Variants in BAZ2B observed in about 807,000 individuals in gnomAD.
BAZ2B encodes bromodomain adjacent to zinc finger domain 2B, also known as bromodomain adjacent to zinc finger domain protein 2B.
A neutral mutation model predicts 246.0 loss-of-function variants in BAZ2B; 91 were observed. That is an observed-to-expected ratio of 0.37 (90% CI 0.31 to 0.44). The LOEUF is 0.44. Among genes scored for constraint, BAZ2B ranks in the 20% least tolerant of loss-of-function variants. The pLI is 1.00. For synonymous variants in BAZ2B, 855 were observed against 860.0 expected, an observed-to-expected ratio of 0.99 and a Z score of 0.10; for missense variants, 2,332 against 2,533.7, an observed-to-expected ratio of 0.92 and a Z score of 1.71.
intron 1 of BAZ2B, among the ~76,000 whole-genome samples, chr2:159,579,709 G>A (rs1206595288): frequency 6.6e-6 from 1 of 151,660 alleles, no homozygotes; most frequent in African/African-American, 2.4e-5. Context: ...AGCAGCAAAA[G>A]CTTATCCAAC....
intron 36 of BAZ2B, chr2:159,322,120 G>A (rs907602930): frequency 1.3e-5 from 2 of 152,006 alleles, no homozygotes; most frequent in Non-Finnish European, 2.9e-5. Flanking sequence ...CTATTTCTTT[G>A]GTGAAATATC....
At chr2:159,583,164 G>C (rs1266114630) in intron 1 of BAZ2B, among the ~76,000 whole-genome samples, 1 of 150,128 alleles carries the variant, frequency 6.7e-6, no homozygotes, top group African/African-American at 2.5e-5. Flanking sequence ...GCCCAGGCTG[G>C]AGTACAGTGG....
intron 2 of BAZ2B, among the ~76,000 whole-genome samples, chr2:159,546,524 T>TA (rs1408860827): frequency 6.7e-6 from 1 of 149,416 alleles, no homozygotes; most frequent in African/African-American, 2.5e-5. Context: ...CATTTGTTTC[T>TA]ACTCAAATGA....
intron 2 of BAZ2B, among the ~76,000 whole-genome samples, chr2:159,530,044 AC>A (rs1319345986): frequency 6.6e-6 from 1 of 152,230 alleles, no homozygotes; most frequent in Non-Finnish European, 1.5e-5. Flanking sequence ...TTCATCAAAA[AC>A]AAATCTAAAA....
intron 32 of BAZ2B, chr2:159,337,349 G>T: frequency 8.0e-7 from 1 of 1,256,182 alleles, no homozygotes; most frequent in Non-Finnish European, 1.1e-6. Flanking sequence ...CAAATAGCAT[G>T]ATCCGTATGG....
At chr2:159,690,227 T>A in the BAZ2B span, 1 of 426,192 alleles carries the variant, frequency 2.3e-6, no homozygotes, top group Non-Finnish European at 4.5e-6. Flanking sequence ...TGCTTTCACA[T>A]TATATCAATC....
chr2:159,447,148 T>C (rs971074173), intron 5 of BAZ2B, among the ~76,000 whole-genome samples, 173 bp from the exon 6 acceptor site: 1 of 152,168 alleles, frequency 6.6e-6, no homozygotes, highest in African/African-American at 2.4e-5. Context: ...CAGGTAAACC[T>C]ACAGGGACAA....
chr2:159,436,479 T>G (rs28663604), intron 8 of BAZ2B, among the ~76,000 whole-genome samples: 13,421 of 152,254 alleles, frequency 0.088, 762 homozygotes, highest in Middle Eastern at 0.18. Flanking sequence ...CCAGGTGTGG[T>G]GGCTCACGCC....
At chr2:159,337,324 T>G in intron 32 of BAZ2B, 4 of 1,188,342 alleles carry the variant, frequency 3.4e-6, no homozygotes, top group African/African-American at 1.6e-5. Flanking sequence ...AAAAAAGTTT[T>G]TACAAAGCAC....
intron 1 of BAZ2B, among the ~76,000 whole-genome samples, chr2:159,588,834 A>G (rs1409579005): frequency 6.6e-6 from 1 of 152,224 alleles, no homozygotes; most frequent in Non-Finnish European, 1.5e-5. Flanking sequence ...CAAAAACAAA[A>G]TGTAAGTAAA....
chr2:159,546,055 T>C (rs908730007), intron 2 of BAZ2B, among the ~76,000 whole-genome samples: 3 of 152,180 alleles, frequency 2.0e-5, no homozygotes, highest in East Asian at 1.9e-4. Flanking sequence ...AATGAATCAT[T>C]ATAGTCAACA....
the BAZ2B span, among the ~76,000 whole-genome samples, chr2:159,676,057 G>A: frequency 1.3e-5 from 2 of 152,074 alleles, no homozygotes; most frequent in South Asian, 2.1e-4. Context: ...CACCGCACCC[G>A]GCTAATATTT....
intron 1 of BAZ2B, among the ~76,000 whole-genome samples, chr2:159,576,912 CAAAAAAA>C (rs34337483): frequency 3.9e-5 from 2 of 51,152 alleles, no homozygotes; most frequent in Non-Finnish European, 6.8e-5. Context: ...GACTGTGTCT[CAAAAAAA>C]AAAAAAAAAA....
In BAZ2B at chr2:159,400,602, T is replaced by C; in HGVS notation, c.2895A>G (p.Leu965=). Residue 965 remains leucine, a synonymous_variant, in exon 17 of 37, where the codon CTA becomes CTG. Transcript: ENST00000392783. ...MEKELRAQQI[L]EAKKKKKEEA... is the part of the protein sequence containing the mutation. ...ATATTAAATTTAAGACTTCTACCTC[T>C]AGAATTTGCTGAGCTCGAAGTTCTT... 6.4e-7 allele frequency: 1 copy of C among 1,552,586 alleles called. No homozygotes were observed. The highest frequency in any genetic ancestry group is 8.8e-7 in the Non-Finnish European group (1 of 1,132,462).
chr2:159,572,629 T>C (rs893951337), intron 1 of BAZ2B, among the ~76,000 whole-genome samples: 1 of 152,248 alleles, frequency 6.6e-6, no homozygotes, highest in Non-Finnish European at 1.5e-5. Context: ...TGCATAGGCA[T>C]GTTTGTAACA....
At chr2:159,327,427 CT>C (rs1558956951) in intron 34 of BAZ2B, among the ~76,000 whole-genome samples, 1 of 152,158 alleles carries the variant, frequency 6.6e-6, no homozygotes, top group Non-Finnish European at 1.5e-5. Flanking sequence ...AAATCCAACA[CT>C]TTCACCATAT....
At position 159,453,654 on chromosome 2, in the gene BAZ2B, G is replaced by A. The variant is rs771430793; in HGVS notation, c.293C>T (p.Pro98Leu). 6.8e-6 allele frequency: 11 copies of A among 1,612,882 alleles called. No individual in the cohort carries two copies. The highest frequency in any genetic ancestry group is 9.3e-6 in the Non-Finnish European group (11 of 1,179,506). ...TTGGGGATGTGCGGCTAAGGCTGTGGGTGTACCAAGTGTCCCCAAACCACC... is the reference window on the plus strand; with the variant it reads ...TTGGGGATGTGCGGCTAAGGCTGTGAGTGTACCAAGTGTCCCCAAACCACC... ...EFGGLGTLGT[P>L]TALAAHPQLA... The change falls in exon 4 of 37, where the codon CCC becomes CTC. Residue 98 changes from proline (P) to leucine (L), a missense_variant. Physicochemically the swap from Pro to Leu is moderately conservative, Grantham distance 98 (BLOSUM62 -3). Transcript: ENST00000392783.
Position 159,347,650 on chromosome 2 carries a change from C to T in BAZ2B, c.5294-4G>A. On this transcript the variant is annotated splice_polypyrimidine_tract_variant and splice_region_variant and intron_variant, in intron 30 of 36. Coordinates refer to ENST00000392783, the MANE Select transcript of BAZ2B (RefSeq NM_013450.4). ...TCATTCAGTTCAATAATAGCAACTA[C>T]ATTTAAAAAGAAATTAATTTAAAAA... The T allele has an allele frequency of 6.3e-7, 1 of 1,589,418 alleles. No individual in the cohort carries two copies. The highest frequency in any genetic ancestry group is 1.1e-5 in the South Asian group (1 of 88,784).
chr2:159,498,880 C>T (rs1330468673), intron 2 of BAZ2B, among the ~76,000 whole-genome samples: 1 of 152,074 alleles, frequency 6.6e-6, no homozygotes, highest in Non-Finnish European at 1.5e-5. Context: ...ACATAAATAA[C>T]GTTGACTTTT....
Sources: gnomAD v4.1 joint callset for allele counts (sites outside exome capture counted in the v4.1 genomes callset) on GRCh38, gnomAD v4.1.1 for gene constraint, MANE v1.5 for transcripts, NCBI Gene and HGNC (gene_info 2026-07-23, HGNC 2026-07-21) for gene names.